SLC34A3: variants seen among roughly 807,000 people sequenced by gnomAD.
SLC34A3 encodes the protein solute carrier family 34 member 3, also known as sodium-dependent phosphate transport protein 2C.
In SLC34A3, 60 loss-of-function variants were observed where a neutral mutation model predicts 43.9. That is an observed-to-expected ratio of 1.37 (90% CI 1.11 to 1.70). SLC34A3 has a LOEUF of 1.70. SLC34A3 is among the 40% of genes most tolerant of loss of function. The pLI is 0.00. For synonymous variants in SLC34A3, 451 were observed against 386.2 expected (o/e 1.17, Z -1.97); for missense variants, 969 against 823.8 (o/e 1.18, Z -2.16).
chr9:137,233,679 ACAG>A lies in SLC34A3; in HGVS notation c.807_809del (p.Ser270del). ...AGCAGTGCCACAGGCAACGCCACTAACAGCAGTCTCATTAAGCACTGGTGCGGC... is the reference window on the plus strand; with the variant it reads ...AGCAGTGCCACAGGCAACGCCACTAACAGTCTCATTAAGCACTGGTGCGGC... On this transcript the variant is annotated inframe_deletion, in exon 8 of 13. Coordinates refer to ENST00000673835, the MANE Select transcript of SLC34A3 (RefSeq NM_001177316.2). The A allele has an allele frequency of 6.2e-7, 1 of 1,612,696 alleles. No homozygotes were observed. The highest frequency in any genetic ancestry group is 1.1e-5 in the South Asian group (1 of 91,074).
intron 2 of SLC34A3, 47 bp downstream of exon 2, chr9:137,231,834 A>AC (rs1564415263): frequency 2.0e-6 from 3 of 1,500,294 alleles, no homozygotes; most frequent in South Asian, 1.1e-5. Context: ...CTGACCACCC[A>AC]CCCCCCAGGC....
rs1836499829 is a variant in SLC34A3 at position 137,234,932 on chromosome 9, TC to T, written c.1335+202del. On this transcript the variant is annotated intron_variant, in intron 12 of 12. Coordinates refer to ENST00000673835, the MANE Select transcript of SLC34A3 (RefSeq NM_001177316.2). The surrounding 1 kb of genome is among the most constrained non-coding windows in gnomAD (Gnocchi z 6.9). ...GCACACATTTCACACCCTCCCTGCG[TC>T]TCCTCCCTTGAGACCTCCTCACTTC... Among the ~76,000 whole-genome samples the T allele has an allele frequency of 6.6e-6, 1 of 151,978 alleles. No individual in the cohort carries two copies. The highest frequency in any genetic ancestry group is 1.5e-5 in the Non-Finnish European group (1 of 67,978).
rs1321161185 is a variant in SLC34A3, at chr9:137,232,566, T to C, written c.176-9T>C. 2 of 1,611,670 alleles carry C rather than the reference T, an allele frequency of 1.2e-6. No individual in the cohort carries two copies. Among genetic ancestry groups the C allele is most frequent in the East Asian group, 2.2e-5 (1 of 44,866 alleles). On this transcript the variant is annotated splice_polypyrimidine_tract_variant and intron_variant, in intron 3 of 12. Coordinates refer to ENST00000673835, the MANE Select transcript of SLC34A3 (RefSeq NM_001177316.2). ...GGCCAGCCAGGGACAGCCTGCCCTG[T>C]GTCCTCAGAGCTCCGCGTGGCCGGC...
At chr9:137,235,643 G>A (rs897820466) in intron 12 of SLC34A3, among the ~76,000 whole-genome samples, 15 of 152,356 alleles carry the variant, frequency 9.8e-5, no homozygotes, top group African/African-American at 3.6e-4. Flanking sequence ...GGGTCTCTTG[G>A]CAGGAGGCAC....
rs1836353774 is a variant in SLC34A3, at chr9:137,233,245, C to G, written c.597C>G (p.Asn199Lys). 6.3e-7 allele frequency: 1 copy of G among 1,578,150 alleles called. No individual in the cohort carries two copies. Among genetic ancestry groups the G allele is most frequent in the African/African-American group, 1.4e-5 (1 of 73,936 alleles). Residue 199 changes from asparagine (N) to lysine (K), a missense_variant, in exon 7 of 13, where the codon AAC (asparagine) becomes AAG (lysine). By Grantham distance (94) the Asn-to-Lys change is moderately conservative. Coordinates refer to ENST00000673835, the MANE Select transcript of SLC34A3 (RefSeq NM_001177316.2). ...GCTCGGCGGTGCACGGGATCTTCAA[C>G]TGGCTCACAGTGCTGGTCCTGCTGC... ...FSGSAVHGIF[N>K]WLTVLVLLPL...
In SLC34A3 at chr9:137,236,250, G is replaced by C. The variant is rs760901259; in HGVS notation, c.1634G>C (p.Arg545Pro). Reference protein sequence around the residue: ...QRRRPAWLPVRLRSWAWLPVW... With the variant: ...QRRRPAWLPVPLRSWAWLPVW... ...CGCCGGCCGGCCTGGCTGCCTGTCC[G>C]CCTGCGCTCCTGGGCCTGGCTCCCC... The change falls in exon 13 of 13, where the codon CGC becomes CCC. Residue 545 changes from arginine (R) to proline (P), a missense_variant. By Grantham distance (103) the Arg-to-Pro change is moderately radical. Coordinates refer to ENST00000673835, the MANE Select transcript of SLC34A3 (RefSeq NM_001177316.2). The C allele has an allele frequency of 4.5e-6, 7 of 1,548,700 alleles. No homozygotes were observed. The highest frequency in any genetic ancestry group is 6.1e-6 in the Non-Finnish European group (7 of 1,149,756).
At chr9:137,230,133 C>T (rs777385941), upstream of SLC34A3, among the ~76,000 whole-genome samples, 4 of 152,124 alleles carry the variant, frequency 2.6e-5, no homozygotes, top group African/African-American at 4.8e-5. Context: ...GGAGCTGCCC[C>T]GCACCCCAGG....
intron 6 of SLC34A3, 32 bp from the exon 7 acceptor site, chr9:137,233,177 C>T (rs550117646): frequency 3.8e-6 from 6 of 1,559,458 alleles, no homozygotes; most frequent in South Asian, 2.3e-5. Context: ...CGGGCCCCCC[C>T]ACCTGACCCT....
chr9:137,234,536 A>G lies in SLC34A3; in HGVS notation c.1210+4A>G. 2 of 1,607,900 alleles carry G rather than the reference A, an allele frequency of 1.2e-6. No individual in the cohort carries two copies. The highest frequency in any genetic ancestry group is 1.7e-6 in the Non-Finnish European group (2 of 1,177,978). On this transcript the variant is annotated splice_donor_region_variant and intron_variant, in intron 11 of 12. Transcript: ENST00000673835. The surrounding 1 kb of genome is among the most constrained non-coding windows in gnomAD (Gnocchi z 6.9). ...GCGGCCGTCGTGCCCCTCATGGGTG[A>G]GCAGGCAGGACAGAGGCCTCGGGAA...
rs779167718 is a variant in SLC34A3, at chr9:137,233,064, C to G, written c.509C>G (p.Thr170Ser). 65 of 1,611,884 alleles carry G rather than the reference C, an allele frequency of 4.0e-5. No individual in the cohort carries two copies. Among genetic ancestry groups the G allele is most frequent in the Non-Finnish European group, 5.4e-5 (64 of 1,179,920 alleles). ...IMGVNVGTSITSTLVSMAQSG... is the reference protein window; with the variant it reads ...IMGVNVGTSISSTLVSMAQSG... ...GGTGTCAACGTAGGCACATCCATCA[C>G]CAGCACCCTGGTCTCAATGGCGCAG... is the stretch of plus-strand genomic sequence containing the variant. Residue 170 changes from threonine to serine, a missense_variant, in exon 6 of 13, where the codon ACC (threonine) becomes AGC (serine). Transcript: ENST00000673835.
At chr9:137,235,931 T>C (rs1399993617) in intron 12 of SLC34A3, 21 bp from the exon 13 acceptor site, 2 of 1,609,546 alleles carry the variant, frequency 1.2e-6, no homozygotes, top group Admixed American at 3.3e-5. Context: ...CCCAGGCCCC[T>C]GACAGCCCCC....
In SLC34A3 at chr9:137,236,506, C is replaced by G; in HGVS notation, c.*90C>G. 3 of 1,052,116 alleles carry G rather than the reference C, an allele frequency of 2.9e-6. No individual in the cohort carries two copies. Among genetic ancestry groups the G allele is most frequent in the Non-Finnish European group, 4.2e-6 (3 of 707,364 alleles). 65.2% of individuals were successfully genotyped at this position (1,052,116 alleles called of 1,614,324 possible). A position where few individuals can be genotyped will look rare whatever the true frequency, so the allele number is the denominator to read the frequency against. On this transcript the variant is annotated 3_prime_UTR_variant, in exon 13 of 13. Transcript: ENST00000673835. ...GGGGGGTCCCCGCGGCAGCTGACCT[C>G]CGGTCACCTGCTTCCCCTTCTGTGC...
chr9:137,231,533 C>T (rs949777867), intron 1 of SLC34A3, 131 bp from the exon 2 acceptor site: 30 of 679,030 alleles, frequency 4.4e-5, no homozygotes, highest in Non-Finnish European at 6.2e-5. Context: ...GTCACTGAGG[C>T]CTGCAGGGCG....
upstream of SLC34A3, among the ~76,000 whole-genome samples, chr9:137,229,951 G>A (rs1836108380): frequency 1.3e-5 from 2 of 152,102 alleles, no homozygotes; most frequent in South Asian, 4.1e-4. Flanking sequence ...GGGAAGGACT[G>A]CTGCCCCCCA....
Position 137,232,753 on chromosome 9 carries a change from C to A in SLC34A3, c.305-31C>A, listed in dbSNP as rs758814501. ...GGCGGGGCGGGCAACCAGCCCTCCG[C>A]AGCTTCAGCGCACCTCTCTTGCCGG... On this transcript the variant is annotated intron_variant, in intron 4 of 12. Transcript: ENST00000673835. 5.6e-6 allele frequency: 9 copies of A among 1,612,834 alleles called. No homozygotes were observed. In the African/African-American group the frequency reaches 6.7e-5, roughly 12 times the overall value.
Position 137,236,467 on chromosome 9 carries a change from G to T in SLC34A3, c.*51G>T. 1 of 1,450,004 alleles carries T rather than the reference G, an allele frequency of 6.9e-7. No homozygotes were observed. The highest frequency in any genetic ancestry group is 1.4e-5 in the African/African-American group (1 of 71,022). 89.8% of individuals were successfully genotyped at this position (1,450,004 alleles called of 1,614,324 possible). A position where few individuals can be genotyped will look rare whatever the true frequency, so the allele number is the denominator to read the frequency against. On this transcript the variant is annotated 3_prime_UTR_variant, in exon 13 of 13. Transcript: ENST00000673835. ...CACCCTCCCCGGCTGGGAGGGCTCT[G>T]GAGGGCCCTGGAGGGGGGGTCCCCG...
chr9:137,232,498 G>A, intron 3 of SLC34A3, 77 bp from the exon 4 acceptor site: 3 of 1,580,518 alleles, frequency 1.9e-6, no homozygotes, highest in Non-Finnish European at 2.6e-6. Flanking sequence ...GAGAGAGGGG[G>A]CAGAGAATGA....
intron 4 of SLC34A3, 24 bp downstream of exon 4, chr9:137,232,727 G>A: frequency 6.2e-7 from 1 of 1,612,894 alleles, no homozygotes; most frequent in South Asian, 1.1e-5. Flanking sequence ...CGGGTGCCCA[G>A]GGCGGGGCGG....
upstream of SLC34A3, among the ~76,000 whole-genome samples, chr9:137,230,000 T>G (rs1836112630): frequency 6.6e-6 from 1 of 151,764 alleles, no homozygotes; most frequent in Non-Finnish European, 1.5e-5. Flanking sequence ...CGGAAGAGAA[T>G]TTGCTGAGCG....
Sources: gnomAD v4.1 joint callset for allele counts (sites outside exome capture counted in the v4.1 genomes callset) on GRCh38, gnomAD v4.1.1 for gene constraint, Gnocchi (gnomAD v3.1) non-coding constraint, MANE v1.5 for transcripts, NCBI Gene and HGNC (gene_info 2026-07-23, HGNC 2026-07-21) for gene names.